The following MED13L variants were observed in gnomAD, a reference collection of about 807,000 sequenced individuals.
MED13L encodes the protein mediator complex subunit 13L.
In MED13L, 7 loss-of-function variants were observed where a neutral mutation model predicts 220.9. The ratio of observed to expected loss-of-function variants is 0.03; its 90% confidence interval spans 0.02 to 0.06. The LOEUF (loss-of-function observed/expected upper bound fraction) is 0.06, where lower values mean the gene tolerates loss of function less well. MED13L is among the 10% of genes least tolerant of loss of function. The probability of loss-of-function intolerance (pLI) is 1.00; values close to 1 mark genes in which losing one functional copy is unlikely to be tolerated. For synonymous variants in MED13L, 1,011 were observed against 1,015.2 expected (o/e 1.00, Z 0.08); for missense variants, 1,965 against 2,760.5 (o/e 0.71, Z 6.46).
intron 2 of MED13L, among the ~76,000 whole-genome samples, chr12:116,117,544 C>A (rs1874633995): frequency 6.6e-6 from 1 of 151,896 alleles, no homozygotes; most frequent in African/African-American, 2.4e-5. Flanking sequence ...ATATTGACCT[C>A]TTTATTTTCT....
At chr12:116,258,995 T>C (rs1872287840) in intron 1 of MED13L, among the ~76,000 whole-genome samples, 2 of 150,484 alleles carry the variant, frequency 1.3e-5, no homozygotes, top group Non-Finnish European at 3.0e-5. Context: ...AAAATAGGCA[T>C]TATATATTGT....
chr12:116,122,940 G>A (rs1024764338), intron 2 of MED13L, among the ~76,000 whole-genome samples: 1 of 152,136 alleles, frequency 6.6e-6, no homozygotes, highest in African/African-American at 2.4e-5. Context: ...ACAGAAAACA[G>A]GCTGCAATGT....
At chr12:115,996,746 T>C (rs1189583215) in intron 15 of MED13L, 65 bp from the exon 16 acceptor site, 18 of 1,408,362 alleles carry the variant, frequency 1.3e-5, no homozygotes, top group South Asian at 3.5e-5. Flanking sequence ...CACAGTGGCA[T>C]AGTGCTATCA....
intron 4 of MED13L, among the ~76,000 whole-genome samples, chr12:116,030,179 G>A (rs1880651952): frequency 6.6e-6 from 1 of 152,042 alleles, no homozygotes; most frequent in African/African-American, 2.4e-5. Flanking sequence ...TTTTGGCTAG[G>A]TGGTCTCAAA....
chr12:116,083,985 T>G (rs540061401), intron 4 of MED13L, among the ~76,000 whole-genome samples: 112 of 152,314 alleles, frequency 7.4e-4, no homozygotes, highest in Admixed American at 1.4e-3. Flanking sequence ...CTCTGAAACA[T>G]GTAATGCTTG....
At position 116,102,825 on chromosome 12, in the gene MED13L, G is replaced by A. The variant is rs755031710; in HGVS notation, c.396-6073C>T. Reference sequence around the variant, plus strand: ...CTACCTCTGCCTCCCAGGTTCAAGCGATTCTCCTGCCTCAGCCTCCTGAGT... The same window carrying A: ...CTACCTCTGCCTCCCAGGTTCAAGCAATTCTCCTGCCTCAGCCTCCTGAGT... On this transcript the variant is annotated intron_variant, in intron 3 of 30. Coordinates refer to ENST00000281928, the MANE Select transcript of MED13L (RefSeq NM_015335.5). 1.8e-4 allele frequency among the ~76,000 whole-genome samples: 25 copies of A among 141,914 alleles called. No homozygotes were observed. The Admixed American group carries it at 1.8e-3, about 10-fold the overall frequency. 93.1% of individuals were successfully genotyped at this position (141,914 alleles called of 152,430 possible).
chr12:116,014,210 G>C (rs1222846450), intron 8 of MED13L, among the ~76,000 whole-genome samples: 3 of 152,202 alleles, frequency 2.0e-5, no homozygotes, highest in African/African-American at 7.2e-5. Context: ...CCAAAGGACA[G>C]GTTTTAAATC....
intron 12 of MED13L, 25 bp from the exon 13 acceptor site, chr12:116,006,018 C>T (rs1592939125): frequency 6.2e-7 from 1 of 1,613,498 alleles, no homozygotes; most frequent in Non-Finnish European, 8.5e-7. Flanking sequence ...GCAAAAGACA[C>T]AGAATAAACA....
At chr12:116,037,026 T>C (rs1183221341) in intron 4 of MED13L, among the ~76,000 whole-genome samples, 1 of 152,174 alleles carries the variant, frequency 6.6e-6, no homozygotes, top group Non-Finnish European at 1.5e-5. Flanking sequence ...GGAAAGTTAA[T>C]TGCACATAAT....
Position 116,053,109 on chromosome 12 carries a change from T to C in MED13L, c.480-30508A>G, listed in dbSNP as rs573993061. On this transcript the variant is annotated intron_variant, in intron 4 of 30. Transcript: ENST00000281928. The stretch of plus-strand genomic sequence containing the variant: ...CATTTTCTCCATGTGTCATGCACTA[T>C]GTAAGAAAGCAAGAAAACCACAGCA... Among the ~76,000 whole-genome samples, 330 of 152,322 alleles carry C rather than the reference T, an allele frequency of 2.2e-3. 1 individual carries two copies. The highest frequency in any genetic ancestry group is 7.6e-3 in the African/African-American group (314 of 41,586).
Position 116,051,585 on chromosome 12 carries a change from C to T in MED13L, c.480-28984G>A, listed in dbSNP as rs146726405. Among the ~76,000 whole-genome samples, 10 of 152,236 alleles carry T rather than the reference C, an allele frequency of 6.6e-5. No homozygotes were observed. The East Asian group carries it at 1.5e-3, about 24-fold the overall frequency. On this transcript the variant is annotated intron_variant, in intron 4 of 30. Transcript: ENST00000281928. Reference sequence around the variant, plus strand: ...AGAATATCGGATTTCAAACTTCTTTCGATTTTGGAATATCTGCATACACAT... The same window carrying T: ...AGAATATCGGATTTCAAACTTCTTTTGATTTTGGAATATCTGCATACACAT...
chr12:116,232,997 G>A (rs919229631), intron 2 of MED13L, among the ~76,000 whole-genome samples: 1 of 149,944 alleles, frequency 6.7e-6, no homozygotes, highest in Admixed American at 6.7e-5. Flanking sequence ...TGAGGCAGGA[G>A]AATCATTTGA....
At chr12:116,228,535 G>A (rs1404503817) in intron 2 of MED13L, among the ~76,000 whole-genome samples, 2 of 152,044 alleles carry the variant, frequency 1.3e-5, no homozygotes, top group East Asian at 1.9e-4. Context: ...GAGGACACTC[G>A]TTCATGACCC....
chr12:116,089,790 T>C (rs897284641), intron 4 of MED13L, among the ~76,000 whole-genome samples: 6 of 152,156 alleles, frequency 3.9e-5, no homozygotes, highest in African/African-American at 1.2e-4. Context: ...TAACTTGCCA[T>C]AAAATTCCCC....
chr12:116,207,344 T>C (rs1269463443), intron 2 of MED13L, among the ~76,000 whole-genome samples: 1 of 152,174 alleles, frequency 6.6e-6, no homozygotes. Flanking sequence ...CACTTACCAT[T>C]GTGTTATACC....
chr12:116,016,850 T>C (rs1451994549), intron 7 of MED13L, among the ~76,000 whole-genome samples: 3 of 152,210 alleles, frequency 2.0e-5, no homozygotes, highest in African/African-American at 7.2e-5. Context: ...AAATAAGGTA[T>C]GAGTAATGTC....
At chr12:116,088,943 A>G (rs1871953861) in intron 4 of MED13L, among the ~76,000 whole-genome samples, 1 of 152,216 alleles carries the variant, frequency 6.6e-6, no homozygotes, top group African/African-American at 2.4e-5. Flanking sequence ...CCCATATTCA[A>G]GAGAAAACAC....
chr12:115,996,569 T>G lies in MED13L; in HGVS notation c.2903A>C (p.Asp968Ala). Residue 968 changes from aspartate to alanine, a missense_variant, in exon 16 of 31, where the codon GAT (aspartate) becomes GCT (alanine). Physicochemically the swap from Asp to Ala is moderately radical, Grantham distance 126. Around this residue, in one of 10 missense-constraint regions of MED13L, gnomAD observed 233 missense variants for 306.2 expected, o/e 0.76. Transcript: ENST00000281928. ...CCATGAAGGCCGAAACAGACAGGCA[T>G]CAGGTATCTTCAGAGGTAGCAAACA... Reference protein sequence around the residue: ...SHCLLPLKIPDACLFRPSWAI... With the variant: ...SHCLLPLKIPAACLFRPSWAI... 1 of 1,614,098 alleles carries G rather than the reference T, an allele frequency of 6.2e-7. No individual in the cohort carries two copies. Among genetic ancestry groups the G allele is most frequent in the East Asian group, 2.2e-5 (1 of 44,874 alleles).
chr12:116,269,464 TGCAAAA>T (rs1873090630), intron 1 of MED13L, among the ~76,000 whole-genome samples: 1 of 62,082 alleles, frequency 1.6e-5, no homozygotes, highest in East Asian at 3.8e-4. Context: ...ATTTAAACTA[TGCAAAA>T]AAAAAAAAAA....
Sources: allele counts gnomAD v4.1 joint callset (sites outside exome capture counted in the v4.1 genomes callset), GRCh38; gene constraint gnomAD v4.1.1; regional missense constraint gnomAD v4.1.1; transcripts MANE v1.5; gene names NCBI Gene and HGNC (gene_info 2026-07-23, HGNC 2026-07-21).